Variants in EIF3J observed in about 807,000 individuals in gnomAD.
EIF3J encodes eukaryotic translation initiation factor 3, subunit 1 (alpha, 35kD).
Under a neutral mutation model 39.0 loss-of-function variants are expected in EIF3J, and 15 were observed. The observed-to-expected ratio is 0.38, with a 90% CI of 0.26 to 0.59. The LOEUF (loss-of-function observed/expected upper bound fraction) is 0.59, where lower values mean the gene tolerates loss of function less well. Among genes scored for constraint, EIF3J ranks in the 20% least tolerant of loss-of-function variants. The pLI is 0.60. For synonymous variants in EIF3J, 98 were observed against 112.9 expected (o/e 0.87, Z 0.84); for missense variants, 226 against 308.6 (o/e 0.73, Z 2.00).
intron 5 of EIF3J, among the ~76,000 whole-genome samples, chr15:44,557,240 G>A (rs1234880070): frequency 1.3e-5 from 2 of 152,040 alleles, no homozygotes; most frequent in African/African-American, 4.8e-5. Context: ...TTTGTTGCCA[G>A]TCAATTGAAA....
At chr15:44,554,902 A>AAAGG (rs1410169647) in intron 5 of EIF3J, among the ~76,000 whole-genome samples, 1 of 152,216 alleles carries the variant, frequency 6.6e-6, no homozygotes, top group African/African-American at 2.4e-5. Flanking sequence ...AGAAGGGCAA[A>AAAGG]AAGGAGTAGA....
intron 6 of EIF3J, chr15:44,557,916 T>G (rs2082158506): frequency 4.4e-6 from 1 of 225,094 alleles, no homozygotes; most frequent in African/African-American, 2.3e-5. Context: ...AAGCAGCTAA[T>G]AAAACACTGG....
intron 7 of EIF3J, 84 bp downstream of exon 7, chr15:44,560,406 G>A (rs754217410): frequency 5.4e-5 from 72 of 1,323,396 alleles, no homozygotes; most frequent in Non-Finnish European, 7.2e-5. Context: ...ATAGGAGCCT[G>A]TCCTAATTAA....
intron 4 of EIF3J, among the ~76,000 whole-genome samples, chr15:44,552,896 A>C (rs926248450): frequency 5.9e-5 from 9 of 152,184 alleles, no homozygotes; most frequent in Admixed American, 1.3e-4. Flanking sequence ...ATGGTTCAAA[A>C]ATTAAAACAG....
chr15:44,551,116 G>C (rs1401170016), intron 3 of EIF3J, among the ~76,000 whole-genome samples, 186 bp downstream of exon 3: 1 of 152,188 alleles, frequency 6.6e-6, no homozygotes, highest in Non-Finnish European at 1.5e-5. Context: ...AATATAATCA[G>C]ATTAGATACT....
intron 6 of EIF3J, among the ~76,000 whole-genome samples, chr15:44,559,905 C>G (rs1268423591): frequency 6.6e-6 from 1 of 152,002 alleles, no homozygotes; most frequent in African/African-American, 2.4e-5. Context: ...TACAGGTCGT[C>G]ATTATAAATA....
At chr15:44,540,572 CTATT>C (rs1054754568) in intron 2 of EIF3J, among the ~76,000 whole-genome samples, 2 of 151,670 alleles carry the variant, frequency 1.3e-5, no homozygotes, top group African/African-American at 4.8e-5. Context: ...TGCACCTGGC[CTATT>C]TATTTTGAGA....
At chr15:44,550,973 T>G in intron 3 of EIF3J, 43 bp downstream of exon 3, 1 of 1,589,042 alleles carries the variant, frequency 6.3e-7, no homozygotes, top group African/African-American at 1.4e-5. Context: ...TATGTCTTGC[T>G]GAGCATTTGT....
At chr15:44,546,850 A>C (rs1241590660) in intron 2 of EIF3J, among the ~76,000 whole-genome samples, 1 of 117,116 alleles carries the variant, frequency 8.5e-6, no homozygotes, top group Non-Finnish European at 1.6e-5. Flanking sequence ...TTTTTGAGAC[A>C]GAGTCTCTGT....
intron 6 of EIF3J, among the ~76,000 whole-genome samples, chr15:44,559,544 A>G (rs1027513975): frequency 2.6e-5 from 4 of 151,038 alleles, no homozygotes; most frequent in Admixed American, 2.0e-4. Context: ...CGTCTCTACT[A>G]AAAATACAAA....
At chr15:44,551,354 T>A in intron 3 of EIF3J, 77 bp from the exon 4 acceptor site, 2 of 944,846 alleles carry the variant, frequency 2.1e-6, no homozygotes, top group South Asian at 3.3e-5. Flanking sequence ...CTTAATAGTA[T>A]ACAAGTATCA....
intron 2 of EIF3J, among the ~76,000 whole-genome samples, chr15:44,546,018 A>G (rs1168833721): frequency 6.6e-6 from 1 of 152,210 alleles, no homozygotes; most frequent in African/African-American, 2.4e-5. Flanking sequence ...TTCTGGAAGT[A>G]AGCAAATGGT....
chr15:44,546,858 T>C (rs1298482747), intron 2 of EIF3J, among the ~76,000 whole-genome samples: 1 of 139,356 alleles, frequency 7.2e-6, no homozygotes, highest in African/African-American at 2.8e-5. Context: ...ACAGAGTCTC[T>C]GTTGCCTAGG....
chr15:44,538,280 T>C (rs1567114477), intron 2 of EIF3J, among the ~76,000 whole-genome samples: 1 of 151,550 alleles, frequency 6.6e-6, no homozygotes, highest in Non-Finnish European at 1.5e-5. Flanking sequence ...TGACATTTAC[T>C]TCTACATGGT....
intron 2 of EIF3J, among the ~76,000 whole-genome samples, chr15:44,542,609 TAAAA>T (rs1219264431): frequency 1.3e-5 from 2 of 152,176 alleles, no homozygotes; most frequent in Non-Finnish European, 2.9e-5. Flanking sequence ...TTGTTAGAAA[TAAAA>T]AGAAAGCAAG....
intron 5 of EIF3J, among the ~76,000 whole-genome samples, chr15:44,555,132 C>T (rs1173052426): frequency 6.6e-6 from 1 of 152,128 alleles, no homozygotes; most frequent in Non-Finnish European, 1.5e-5. Flanking sequence ...CCTTACCATG[C>T]CCTATCTTTA....
chr15:44,559,719 A>T (rs538154172), intron 6 of EIF3J, among the ~76,000 whole-genome samples: 10 of 151,874 alleles, frequency 6.6e-5, no homozygotes, highest in South Asian at 2.1e-4. Flanking sequence ...AAAAAAAAAA[A>T]AATAATAGTA....
chr15:44,540,207 G>A (rs1276246803), intron 2 of EIF3J, among the ~76,000 whole-genome samples: 1 of 143,936 alleles, frequency 6.9e-6, no homozygotes, highest in African/African-American at 2.6e-5. Context: ...AAAGTGCTGG[G>A]ATTACAGACG....
At chr15:44,542,111 TTGTAGTATG>T (rs1387273441) in intron 2 of EIF3J, among the ~76,000 whole-genome samples, 1 of 152,182 alleles carries the variant, frequency 6.6e-6, no homozygotes, top group African/African-American at 2.4e-5. Flanking sequence ...TGCTGATCCA[TTGTAGTATG>T]TTAAAAGCTT....
Sources: allele counts gnomAD v4.1 joint callset (sites outside exome capture counted in the v4.1 genomes callset), GRCh38; gene constraint gnomAD v4.1.1; transcripts MANE v1.5; gene names NCBI Gene and HGNC (gene_info 2026-07-23, HGNC 2026-07-21).